Variants in SNX4 observed in about 807,000 individuals in gnomAD.
SNX4 encodes sorting nexin 4.
SNX4 carries 49 observed loss-of-function variants against 70.8 expected under a neutral mutation model. That is an observed-to-expected ratio of 0.69 (90% confidence interval 0.55 to 0.88). The LOEUF (loss-of-function observed/expected upper bound fraction) is 0.88, where lower values mean the gene tolerates loss of function less well. SNX4 is among the 40% of genes least tolerant of loss of function. The pLI, the probability that SNX4 is intolerant of heterozygous loss-of-function variation, is 0.00. For missense variants in SNX4, 528 were observed against 544.8 expected (o/e 0.97, Z 0.31); for synonymous variants, 206 against 183.8 (o/e 1.12, Z -0.98).
At chr3:125,493,711 G>GT (rs1471742636) in intron 5 of SNX4, among the ~76,000 whole-genome samples, 1 of 150,642 alleles carries the variant, frequency 6.6e-6, no homozygotes, top group Non-Finnish European at 1.5e-5. Flanking sequence ...CTTTCTGGGT[G>GT]TAATAATCAC....
intron 11 of SNX4, 70 bp downstream of exon 11, chr3:125,457,196 A>T: frequency 2.8e-6 from 3 of 1,066,398 alleles, no homozygotes; most frequent in Non-Finnish European, 2.9e-6. Context: ...TTACTCACTC[A>T]GAGTGAGTGC....
chr3:125,508,028 TG>T (rs1443989057), intron 1 of SNX4, among the ~76,000 whole-genome samples: 1 of 152,060 alleles, frequency 6.6e-6, no homozygotes, highest in Non-Finnish European at 1.5e-5. Flanking sequence ...ACTTGTACAA[TG>T]GAAAGTATAA....
chr3:125,460,306 C>T (rs12493779), intron 10 of SNX4, among the ~76,000 whole-genome samples: 6,653 of 151,976 alleles, frequency 0.044, 239 homozygotes, highest in Non-Finnish European at 0.071. Flanking sequence ...TTAACTTTTT[C>T]CTAGTCACGT....
chr3:125,515,987 A>G (rs1171443681), intron 1 of SNX4, among the ~76,000 whole-genome samples: 2 of 152,228 alleles, frequency 1.3e-5, no homozygotes, highest in African/African-American at 4.8e-5. Flanking sequence ...TATCCTTACC[A>G]ACAGAATGCC....
At chr3:125,482,268 T>C (rs545047256) in intron 6 of SNX4, among the ~76,000 whole-genome samples, 7 of 152,212 alleles carry the variant, frequency 4.6e-5, no homozygotes, top group Non-Finnish European at 7.3e-5. Flanking sequence ...TAGTAGACAT[T>C]TGTACTTGCT....
At position 125,518,017 on chromosome 3, in the gene SNX4, C is replaced by T. The variant is rs1188487511; in HGVS notation, c.141+2015G>A. 2.0e-5 allele frequency among the ~76,000 whole-genome samples: 3 copies of T among 152,050 alleles called. No individual in the cohort carries two copies. In the East Asian group the frequency reaches 5.8e-4, roughly 29 times the overall value. On this transcript the variant is annotated intron_variant, in intron 1 of 13. Coordinates refer to ENST00000251775, the MANE Select transcript of SNX4 (RefSeq NM_003794.4). ...AATGTCAGGAAGTAGTATGTAACTA[C>T]AACTTATACTGCATGATAGCATCCC...
chr3:125,470,497 A>C (rs956503820), intron 8 of SNX4, among the ~76,000 whole-genome samples: 3 of 151,322 alleles, frequency 2.0e-5, no homozygotes, highest in Non-Finnish European at 1.5e-5. Flanking sequence ...GTTAAAAAAA[A>C]AAAAACAAAA....
intron 6 of SNX4, among the ~76,000 whole-genome samples, chr3:125,487,758 C>CAA (rs575024712): frequency 4.3e-5 from 5 of 117,592 alleles, no homozygotes; most frequent in African/African-American, 1.5e-4. Context: ...TGTGACATTC[C>CAA]AAAAAAAAAA....
At chr3:125,453,356 T>C (rs915883193) in intron 12 of SNX4, among the ~76,000 whole-genome samples, 19 of 151,954 alleles carry the variant, frequency 1.3e-4, no homozygotes, top group African/African-American at 3.9e-4. Context: ...GAAGAAATGG[T>C]GGAGGGAAAG....
chr3:125,504,079 C>T (rs1934987834), intron 2 of SNX4, among the ~76,000 whole-genome samples: 1 of 151,948 alleles, frequency 6.6e-6, no homozygotes, highest in Non-Finnish European at 1.5e-5. Flanking sequence ...ACTTGTAATC[C>T]GAACACTTTG....
At chr3:125,493,272 C>T (rs1425243954) in intron 5 of SNX4, among the ~76,000 whole-genome samples, 3 of 151,992 alleles carry the variant, frequency 2.0e-5, no homozygotes, top group African/African-American at 7.3e-5. Flanking sequence ...AAATATTCCA[C>T]CCCCCTAAAA....
At chr3:125,519,317 A>T (rs1032645648) in intron 1 of SNX4, among the ~76,000 whole-genome samples, 1 of 152,146 alleles carries the variant, frequency 6.6e-6, no homozygotes, top group Non-Finnish European at 1.5e-5. Context: ...CCTTTTCCTC[A>T]AGCAAATGAA....
chr3:125,501,613 C>G (rs1167197068), intron 2 of SNX4, among the ~76,000 whole-genome samples: 6 of 149,596 alleles, frequency 4.0e-5, no homozygotes, highest in African/African-American at 1.2e-4. Context: ...GAGCGAGACT[C>G]CACCTTAAAA....
intron 6 of SNX4, 57 bp from the exon 7 acceptor site, chr3:125,480,376 C>T (rs1333718667): frequency 1.7e-6 from 2 of 1,185,294 alleles, no homozygotes; most frequent in Non-Finnish European, 2.3e-6. Flanking sequence ...CAGTCAAAAA[C>T]TGAAAGAAAA....
intron 10 of SNX4, among the ~76,000 whole-genome samples, chr3:125,459,290 G>C (rs1247226306): frequency 6.6e-6 from 1 of 152,148 alleles, no homozygotes; most frequent in Admixed American, 6.6e-5. Flanking sequence ...TCAGAATTTA[G>C]CTAGGCATTG....
At chr3:125,495,275 T>TATATATATATATATATACAC in intron 5 of SNX4, among the ~76,000 whole-genome samples, 35 of 83,046 alleles carry the variant, frequency 4.2e-4, no homozygotes, top group African/African-American at 1.1e-3. Flanking sequence ...TATATATATA[T>TATATATATATATATATACAC]ATACACATAC....
intron 1 of SNX4, among the ~76,000 whole-genome samples, chr3:125,508,797 G>A (rs544639182): frequency 1.3e-5 from 2 of 152,164 alleles, no homozygotes; most frequent in Admixed American, 1.3e-4. Context: ...AAATGATGCT[G>A]GGAAAACTGA....
chr3:125,469,329 A>G, intron 9 of SNX4, 125 bp downstream of exon 9: 1 of 584,540 alleles, frequency 1.7e-6, no homozygotes. Flanking sequence ...TTTAAGTCAG[A>G]TATGTACACA....
At chr3:125,480,167 C>A in intron 7 of SNX4, 80 bp downstream of exon 7, 2 of 822,916 alleles carry the variant, frequency 2.4e-6, no homozygotes, top group Admixed American at 2.7e-5. Flanking sequence ...TAAATACCAC[C>A]TACTACTTGA....
Sources: allele counts gnomAD v4.1 joint callset (sites outside exome capture counted in the v4.1 genomes callset), GRCh38; gene constraint gnomAD v4.1.1; transcripts MANE v1.5; gene names NCBI Gene and HGNC (gene_info 2026-07-23, HGNC 2026-07-21).